Variants in SKAP1 observed in about 807,000 individuals in gnomAD.
SKAP1 encodes src kinase-associated phosphoprotein 1.
Under a neutral mutation model 58.5 loss-of-function variants are expected in SKAP1, and 44 were observed. That is an observed-to-expected ratio of 0.75 (90% CI 0.59 to 0.97). SKAP1 has a LOEUF of 0.97. Among genes scored for constraint, SKAP1 ranks in the 50% least tolerant of loss-of-function variants. The pLI is 0.00. For synonymous variants in SKAP1, 127 were observed against 149.7 expected (o/e 0.85, Z 1.11); for missense variants, 390 against 435.2 (o/e 0.90, Z 0.92).
intron 1 of SKAP1, among the ~76,000 whole-genome samples, chr17:48,409,667 CAAAAA>C (rs35629210): frequency 3.2e-5 from 3 of 94,658 alleles, no homozygotes; most frequent in Non-Finnish European, 4.5e-5. Context: ...GATCCTGTCT[CAAAAA>C]AAAAAAAAAA....
chr17:48,352,777 T>A (rs1187865819), intron 3 of SKAP1, among the ~76,000 whole-genome samples: 1 of 152,134 alleles, frequency 6.6e-6, no homozygotes, highest in Non-Finnish European at 1.5e-5. Flanking sequence ...ATGAAATAAC[T>A]TACCCAAAGT....
At chr17:48,402,236 AT>A (rs2067507087) in intron 1 of SKAP1, among the ~76,000 whole-genome samples, 6 of 152,220 alleles carry the variant, frequency 3.9e-5, no homozygotes, top group Admixed American at 3.3e-4. Context: ...TAAACAGAGA[AT>A]TATCATAGGA....
chr17:48,331,566 G>C (rs1041860321), intron 4 of SKAP1, among the ~76,000 whole-genome samples: 23 of 152,116 alleles, frequency 1.5e-4, no homozygotes, highest in African/African-American at 5.6e-4. Context: ...GGGCGTGGTG[G>C]CGCATGCCTG....
chr17:48,421,813 G>A (rs2067797675), intron 1 of SKAP1, among the ~76,000 whole-genome samples: 1 of 152,174 alleles, frequency 6.6e-6, no homozygotes, highest in Non-Finnish European at 1.5e-5. Flanking sequence ...TGCAGGCTAG[G>A]TGACAACAAA....
intron 4 of SKAP1, among the ~76,000 whole-genome samples, chr17:48,250,975 C>T (rs887173399): frequency 4.4e-4 from 67 of 152,250 alleles, no homozygotes; most frequent in African/African-American, 1.5e-3. Context: ...CCTCTGAACT[C>T]GTGTTTTGTA....
upstream of SKAP1, among the ~76,000 whole-genome samples, chr17:48,432,272 T>C (rs2067924212): frequency 6.6e-6 from 1 of 152,004 alleles, no homozygotes; most frequent in Admixed American, 6.6e-5. Flanking sequence ...CTACTAATAA[T>C]ACAAAAATTA....
intron 4 of SKAP1, among the ~76,000 whole-genome samples, chr17:48,309,421 T>C (rs2066192384): frequency 6.6e-6 from 1 of 152,132 alleles, no homozygotes; most frequent in Non-Finnish European, 1.5e-5. Context: ...GCCTTGACAA[T>C]TCTCAAGTAA....
chr17:48,241,248 C>G (rs555741954), intron 4 of SKAP1, among the ~76,000 whole-genome samples: 1 of 152,014 alleles, frequency 6.6e-6, no homozygotes, highest in African/African-American at 2.4e-5. Context: ...GTTCTGACCC[C>G]TGGATGAACT....
intron 4 of SKAP1, among the ~76,000 whole-genome samples, chr17:48,194,443 A>T (rs562642832): frequency 1.3e-5 from 2 of 152,342 alleles, no homozygotes; most frequent in South Asian, 4.1e-4. Flanking sequence ...TAAAGCAGTC[A>T]ATAAAAAAGA....
chr17:48,391,001 C>T (rs1365095549), intron 2 of SKAP1, among the ~76,000 whole-genome samples: 3 of 151,958 alleles, frequency 2.0e-5, no homozygotes, highest in Non-Finnish European at 2.9e-5. Context: ...CTTGAATTTG[C>T]GGAGGTTGCA....
chr17:48,195,746 T>A (rs905900905), intron 4 of SKAP1, among the ~76,000 whole-genome samples: 1 of 152,206 alleles, frequency 6.6e-6, no homozygotes, highest in African/African-American at 2.4e-5. Context: ...ATGACACATT[T>A]GTAGTTAGCA....
At chr17:48,349,851 T>C (rs1244968938) in intron 3 of SKAP1, among the ~76,000 whole-genome samples, 2 of 152,250 alleles carry the variant, frequency 1.3e-5, no homozygotes, top group Non-Finnish European at 2.9e-5. Flanking sequence ...GTTTCTGTGC[T>C]ATTTGTTTTT....
At chr17:48,386,206 A>C (rs1295219364) in intron 2 of SKAP1, among the ~76,000 whole-genome samples, 2 of 152,080 alleles carry the variant, frequency 1.3e-5, no homozygotes, top group Non-Finnish European at 2.9e-5. Context: ...TGTTGTTCTC[A>C]GGTCTAGTCT....
intron 3 of SKAP1, among the ~76,000 whole-genome samples, chr17:48,355,166 C>T (rs190442105): frequency 4.6e-4 from 70 of 152,106 alleles, no homozygotes; most frequent in Middle Eastern, 3.4e-3. Context: ...TATGTGAAGA[C>T]GAAAATCTGA....
chr17:48,373,086 G>A (rs8065457), intron 2 of SKAP1, among the ~76,000 whole-genome samples: 14,032 of 152,170 alleles, frequency 0.092, 990 homozygotes, highest in African/African-American at 0.17. Flanking sequence ...TTTTCACACT[G>A]CTATAAAGAT....
intron 1 of SKAP1, among the ~76,000 whole-genome samples, chr17:48,413,543 T>TATATATATATA (rs1567905650): frequency 8.5e-6 from 1 of 117,670 alleles, no homozygotes; most frequent in African/African-American, 3.6e-5. Flanking sequence ...TATATATATA[T>TATATATATATA]TTGCTCTTCA....
At chr17:48,317,358 A>G (rs34583963) in intron 4 of SKAP1, among the ~76,000 whole-genome samples, 4,466 of 152,334 alleles carry the variant, frequency 0.029, 243 homozygotes, top group African/African-American at 0.1. Flanking sequence ...ATTCCCAAAC[A>G]GAAGTAGAAC....
chr17:48,424,408 G>A (rs559259652), intron 1 of SKAP1, among the ~76,000 whole-genome samples: 9 of 151,304 alleles, frequency 5.9e-5, no homozygotes, highest in African/African-American at 2.2e-4. Flanking sequence ...TGTATTTTTA[G>A]TACAGACGGG....
intron 4 of SKAP1, among the ~76,000 whole-genome samples, chr17:48,233,620 C>T (rs1204786022): frequency 1.3e-5 from 2 of 151,956 alleles, no homozygotes; most frequent in South Asian, 2.1e-4. Context: ...TTTGGGAGGT[C>T]GAGGTGGGTG....
Sources: allele counts gnomAD v4.1 joint callset (sites outside exome capture counted in the v4.1 genomes callset), GRCh38; gene constraint gnomAD v4.1.1; transcripts MANE v1.5; gene names NCBI Gene and HGNC (gene_info 2026-07-23, HGNC 2026-07-21).